Variants in HIVEP3 observed in about 807,000 individuals in gnomAD.
HIVEP3 encodes the protein HIVEP zinc finger 3.
In HIVEP3, 49 loss-of-function variants were observed where a neutral mutation model predicts 152.8. The observed-to-expected ratio is 0.32, with a 90% CI of 0.26 to 0.41. The LOEUF (loss-of-function observed/expected upper bound fraction) is 0.41. HIVEP3 is among the 10% of genes least tolerant of loss of function. The pLI is 1.00. For synonymous variants in HIVEP3, 1,269 were observed against 1,289.0 expected (o/e 0.98, Z 0.33); for missense variants, 2,790 against 3,103.3 (o/e 0.90, Z 2.40).
intron 1 of HIVEP3, among the ~76,000 whole-genome samples, chr1:41,941,995 ATAATAT>A (rs1253481477): frequency 5.9e-5 from 9 of 152,252 alleles, no homozygotes; most frequent in Non-Finnish European, 1.3e-4. Flanking sequence ...GTCTGAAAAA[ATAATAT>A]TAATAATAAA....
At chr1:41,625,021 G>T (rs1645096413) in intron 3 of HIVEP3, among the ~76,000 whole-genome samples, 1 of 152,030 alleles carries the variant, frequency 6.6e-6, no homozygotes, top group Non-Finnish European at 1.5e-5. Flanking sequence ...AAAATTAGCT[G>T]GTGTGGTGGC....
intron 3 of HIVEP3, among the ~76,000 whole-genome samples, chr1:41,616,185 A>G (rs1644965594): frequency 6.6e-6 from 1 of 152,112 alleles, no homozygotes; most frequent in East Asian, 1.9e-4. Context: ...TCATGGTGTC[A>G]TGGTTGGCAT....
chr1:41,598,210 AAG>A (rs1644694156), intron 3 of HIVEP3, among the ~76,000 whole-genome samples: 2 of 152,198 alleles, frequency 1.3e-5, no homozygotes, highest in African/African-American at 4.8e-5. Context: ...AACACCGCCT[AAG>A]AGAGACCCAA....
chr1:41,893,698 A>ATG (rs1231789649), intron 1 of HIVEP3, among the ~76,000 whole-genome samples: 2 of 150,606 alleles, frequency 1.3e-5, no homozygotes, highest in Admixed American at 6.6e-5. Context: ...GTTTATATAT[A>ATG]TGTGTGTGTG....
intron 1 of HIVEP3, among the ~76,000 whole-genome samples, chr1:41,850,509 C>T (rs943586840): frequency 5.9e-5 from 9 of 152,194 alleles, no homozygotes; most frequent in Non-Finnish European, 1.5e-5. Flanking sequence ...GGAACCCCAG[C>T]AGCACTACTC....
chr1:41,741,074 C>T (rs1418741941), intron 1 of HIVEP3, among the ~76,000 whole-genome samples: 1 of 152,160 alleles, frequency 6.6e-6, no homozygotes, highest in African/African-American at 2.4e-5. Flanking sequence ...GGTATCTTGT[C>T]TAATTTCTGT....
chr1:41,527,885 TCA>T (rs1459878384), intron 5 of HIVEP3, among the ~76,000 whole-genome samples: 1 of 68,672 alleles, frequency 1.5e-5, no homozygotes, highest in East Asian at 5.0e-4. Flanking sequence ...ACATTCACAC[TCA>T]CACCCCACCC....
rs973183728 is a variant in HIVEP3, at chr1:41,511,437, C to T, written c.6406-171G>A. 3.3e-5 allele frequency among the ~76,000 whole-genome samples: 5 copies of T among 152,152 alleles called. No individual in the cohort carries two copies. Among genetic ancestry groups the T allele is most frequent in the African/African-American group, 1.2e-4 (5 of 41,422 alleles). The stretch of plus-strand genomic sequence containing the variant: ...TGACTCCCTGCCCACAGATGCTGAG[C>T]CAGCTGCCATCTCTGGAATGGGCCA... On this transcript the variant is annotated intron_variant, in intron 8 of 8. Transcript: ENST00000372583. The surrounding 1 kb of genome is among the most constrained non-coding windows in gnomAD (Gnocchi z 4.9).
chr1:41,710,156 A>G (rs1361724076), intron 1 of HIVEP3, among the ~76,000 whole-genome samples: 1 of 152,004 alleles, frequency 6.6e-6, no homozygotes, highest in Non-Finnish European at 1.5e-5. Context: ...GGGATTTGTC[A>G]CTTCCTCCTG....
chr1:42,026,488 A>G (rs2124538326), intron 1 of HIVEP3, among the ~76,000 whole-genome samples: 1 of 152,312 alleles, frequency 6.6e-6, no homozygotes, highest in South Asian at 2.1e-4. Context: ...TTTCAGTGGA[A>G]TTTTGGTCCA....
At chr1:41,666,023 C>T (rs1366989351) in intron 2 of HIVEP3, among the ~76,000 whole-genome samples, 2 of 152,174 alleles carry the variant, frequency 1.3e-5, no homozygotes, top group Non-Finnish European at 2.9e-5. Context: ...TTAGGTCTTA[C>T]ACTGACTTAG....
At chr1:41,793,500 C>A (rs540609823) in intron 1 of HIVEP3, among the ~76,000 whole-genome samples, 1 of 152,312 alleles carries the variant, frequency 6.6e-6, no homozygotes, top group African/African-American at 2.4e-5. Context: ...GAGGAGGCTG[C>A]ACTGTGAACC....
chr1:41,519,973 C>A (rs1344802189), intron 6 of HIVEP3, among the ~76,000 whole-genome samples: 2 of 151,926 alleles, frequency 1.3e-5, no homozygotes, highest in African/African-American at 4.8e-5. Flanking sequence ...GATACATGCA[C>A]TATTACATGC....
chr1:41,535,719 TAAAC>T (rs1200958574), intron 5 of HIVEP3: 3 of 152,166 alleles, frequency 2.0e-5, no homozygotes, highest in African/African-American at 4.8e-5. Context: ...AAAAGATCCT[TAAAC>T]AACCCCTTGA....
At chr1:41,775,347 T>C (rs1188958112) in intron 1 of HIVEP3, among the ~76,000 whole-genome samples, 1 of 152,188 alleles carries the variant, frequency 6.6e-6, no homozygotes, top group Non-Finnish European at 1.5e-5. Context: ...TCAGACACTA[T>C]GCTGTTCTTT....
intron 1 of HIVEP3, among the ~76,000 whole-genome samples, chr1:41,866,910 T>C (rs1338835980): frequency 6.6e-6 from 1 of 152,216 alleles, no homozygotes; most frequent in South Asian, 2.1e-4. Context: ...CTTGACTGTG[T>C]CTTAAGGACA....
intron 1 of HIVEP3, among the ~76,000 whole-genome samples, chr1:41,911,027 T>G (rs1335255112): frequency 6.6e-6 from 1 of 152,002 alleles, no homozygotes; most frequent in African/African-American, 2.4e-5. Flanking sequence ...ACATTGAAAT[T>G]AAGAATTTCT....
intron 1 of HIVEP3, among the ~76,000 whole-genome samples, chr1:41,988,965 C>T (rs1310745762): frequency 1.3e-5 from 2 of 152,054 alleles, no homozygotes; most frequent in East Asian, 3.8e-4. Context: ...ATAAGCCAGG[C>T]ACAGAAGGGC....
intron 1 of HIVEP3, among the ~76,000 whole-genome samples, chr1:41,796,852 G>C (rs536107147): frequency 6.6e-6 from 1 of 152,308 alleles, no homozygotes; most frequent in Admixed American, 6.5e-5. Flanking sequence ...CACTGTGCTC[G>C]TGTGGATGAA....
Sources: allele counts gnomAD v4.1 joint callset (sites outside exome capture counted in the v4.1 genomes callset), GRCh38; gene constraint gnomAD v4.1.1; non-coding constraint Gnocchi (gnomAD v3.1); transcripts MANE v1.5; gene names NCBI Gene and HGNC (gene_info 2026-07-23, HGNC 2026-07-21).